The following XRCC5 variants were observed in gnomAD, a reference collection of about 807,000 sequenced individuals.
XRCC5 encodes X-ray repair cross complementing 5, also known as DNA repair protein Ku80.
Under a neutral mutation model 95.7 loss-of-function variants are expected in XRCC5, and 12 were observed. The observed-to-expected ratio is 0.13, with a 90% CI of 0.08 to 0.20. The LOEUF (loss-of-function observed/expected upper bound fraction) is 0.20, where lower values mean the gene tolerates loss of function less well. Among genes scored for constraint, XRCC5 ranks in the 10% least tolerant of loss-of-function variants. XRCC5 has a pLI of 1.00. For missense variants in XRCC5, 595 were observed against 873.9 expected, an observed-to-expected ratio of 0.68 and a Z score of 4.02; for synonymous variants, 281 against 290.3, an observed-to-expected ratio of 0.97 and a Z score of 0.33.
At chr2:216,162,837 G>A (rs207916) in intron 16 of XRCC5, among the ~76,000 whole-genome samples, 90,757 of 151,974 alleles carry the variant, frequency 0.6, 27,787 homozygotes, top group African/African-American at 0.71. Context: ...TCCTTATCAG[G>A]TAGTACCTAG....
At chr2:216,114,098 C>G (rs2105998774) in intron 2 of XRCC5, among the ~76,000 whole-genome samples, 1 of 152,200 alleles carries the variant, frequency 6.6e-6, no homozygotes, top group African/African-American at 2.4e-5. Flanking sequence ...TGATACCTGT[C>G]ACATAGGGTA....
intron 5 of XRCC5, among the ~76,000 whole-genome samples, chr2:216,121,646 T>C (rs1457638724): frequency 6.6e-6 from 1 of 152,164 alleles, no homozygotes; most frequent in Non-Finnish European, 1.5e-5. Flanking sequence ...AATAGTATCA[T>C]ATTGGTGATT....
At chr2:216,151,341 G>A (rs1426580841) in intron 14 of XRCC5, among the ~76,000 whole-genome samples, 3 of 152,116 alleles carry the variant, frequency 2.0e-5, no homozygotes, top group Non-Finnish European at 2.9e-5. Flanking sequence ...ATGAGAATTC[G>A]GACATCTCAG....
chr2:216,123,525 G>A (rs1334458816), intron 6 of XRCC5, among the ~76,000 whole-genome samples: 1 of 152,158 alleles, frequency 6.6e-6, no homozygotes, highest in Admixed American at 6.5e-5. Flanking sequence ...GAAAAATTAG[G>A]CTGGACACGG....
intron 11 of XRCC5, 82 bp downstream of exon 11, chr2:216,137,307 A>G: frequency 6.9e-7 from 1 of 1,445,868 alleles, no homozygotes. Context: ...AATGTTCATG[A>G]CAATTACTTG....
intron 14 of XRCC5, among the ~76,000 whole-genome samples, chr2:216,153,029 C>T (rs1242143797): frequency 6.6e-6 from 1 of 152,156 alleles, no homozygotes; most frequent in Non-Finnish European, 1.5e-5. Flanking sequence ...CTAATTACTA[C>T]CTGTTACTAA....
chr2:216,163,247 A>G (rs917774066), intron 16 of XRCC5, among the ~76,000 whole-genome samples: 2 of 151,568 alleles, frequency 1.3e-5, no homozygotes, highest in Non-Finnish European at 2.9e-5. Context: ...TGATCCTCCC[A>G]CTTCGGCCTC....
chr2:216,122,962 A>G (rs1346918943), intron 6 of XRCC5, among the ~76,000 whole-genome samples: 2 of 152,220 alleles, frequency 1.3e-5, no homozygotes, highest in Non-Finnish European at 2.9e-5. Flanking sequence ...ACATACATGC[A>G]TTTTGAGCAA....
At chr2:216,125,015 T>G (rs556806250) in intron 6 of XRCC5, among the ~76,000 whole-genome samples, 5 of 152,310 alleles carry the variant, frequency 3.3e-5, no homozygotes, top group South Asian at 2.1e-4. Flanking sequence ...AGACTAAATA[T>G]GAACTAAATT....
chr2:216,116,468 A>G (rs765226307), intron 2 of XRCC5, among the ~76,000 whole-genome samples, 191 bp from the exon 3 acceptor site: 3 of 152,198 alleles, frequency 2.0e-5, no homozygotes, highest in Admixed American at 6.5e-5. Flanking sequence ...CTTATGGTCA[A>G]TGAAAAACAT....
intron 8 of XRCC5, among the ~76,000 whole-genome samples, chr2:216,129,020 G>C (rs144166348): frequency 6.6e-6 from 1 of 152,324 alleles, no homozygotes; most frequent in Non-Finnish European, 1.5e-5. Context: ...GCATAACCTT[G>C]AAAACAACGT....
At chr2:216,154,597 C>A (rs1439824072) in intron 14 of XRCC5, among the ~76,000 whole-genome samples, 1 of 152,188 alleles carries the variant, frequency 6.6e-6, no homozygotes, top group Non-Finnish European at 1.5e-5. Flanking sequence ...CAAACCTGAT[C>A]CCATCACTGT....
At chr2:216,162,716 A>G (rs1574472969) in intron 16 of XRCC5, among the ~76,000 whole-genome samples, 1 of 152,266 alleles carries the variant, frequency 6.6e-6, no homozygotes, top group Non-Finnish European at 1.5e-5. Flanking sequence ...TCAGAGACAC[A>G]TAATTCTTGT....
At chr2:216,173,113 T>C (rs1028641253) in intron 16 of XRCC5, among the ~76,000 whole-genome samples, 2 of 152,172 alleles carry the variant, frequency 1.3e-5, no homozygotes, top group African/African-American at 4.8e-5. Flanking sequence ...TTAGTTCTTG[T>C]GGTTTTTTAA....
intron 12 of XRCC5, among the ~76,000 whole-genome samples, chr2:216,139,611 A>G (rs924055431): frequency 2.6e-5 from 4 of 152,142 alleles, no homozygotes; most frequent in African/African-American, 7.2e-5. Flanking sequence ...GGCTCAAGCA[A>G]TCCTCTTGCC....
At position 216,113,064 on chromosome 2, in the gene XRCC5, A is replaced by G. The variant is rs751938865; in HGVS notation, c.70A>G (p.Ile24Val). 2.5e-6 allele frequency: 4 copies of G among 1,614,174 alleles called. No individual in the cohort carries two copies. The South Asian group carries it at 3.3e-5, about 13-fold the overall frequency. Reference protein sequence around the residue: ...MDVGFTMSNSIPGIESPFEQA... With the variant: ...MDVGFTMSNSVPGIESPFEQA... ...CGTGGGCTTTACCATGAGTAACTCC[A>G]TTCCTGGTATAGAATCCCCATTTGA... The change falls in exon 2 of 21, where the codon ATT (isoleucine) becomes GTT (valine). Residue 24 changes from isoleucine (I) to valine (V), a missense_variant. This residue lies in a region of XRCC5 where 286 missense variants were observed against 491.1 expected (regional missense o/e 0.58). Coordinates refer to ENST00000392132, the MANE Select transcript of XRCC5 (RefSeq NM_021141.4).
chr2:216,110,796 GA>G (rs1443312285), intron 1 of XRCC5, among the ~76,000 whole-genome samples: 1 of 152,134 alleles, frequency 6.6e-6, no homozygotes, highest in Non-Finnish European at 1.5e-5. Context: ...CATATTTTGT[GA>G]CTCTTAAGTT....
chr2:216,123,137 CTG>C (rs754791181), intron 6 of XRCC5, among the ~76,000 whole-genome samples: 4 of 152,136 alleles, frequency 2.6e-5, no homozygotes, highest in Non-Finnish European at 5.9e-5. Context: ...GCTTATCAGT[CTG>C]TACACAAAAT....
rs147240822 is a variant in XRCC5 at position 216,113,721 on chromosome 2, G to A, written c.135+592G>A. The stretch of plus-strand genomic sequence containing the variant: ...TGGCTCACTCACATGGCTGGAAGAC[G>A]ATGCTTTCTAGTGGCTGTGAGCTCA... On this transcript the variant is annotated intron_variant, in intron 2 of 20. Transcript: ENST00000392132. Among the ~76,000 whole-genome samples the A allele has an allele frequency of 1.1e-3, 161 of 152,300 alleles. 1 individual carries two copies. The highest frequency in any genetic ancestry group is 7.0e-3 in the South Asian group (34 of 4,824).
Sources: allele counts gnomAD v4.1 joint callset (sites outside exome capture counted in the v4.1 genomes callset), GRCh38; gene constraint gnomAD v4.1.1; regional missense constraint gnomAD v4.1.1; transcripts MANE v1.5; gene names NCBI Gene and HGNC (gene_info 2026-07-23, HGNC 2026-07-21).